Variants in ZNF460 observed in about 807,000 individuals in gnomAD.
ZNF460 encodes zinc finger protein 460.
A neutral mutation model predicts 8.4 loss-of-function variants in ZNF460; 1 was observed. The ratio of observed to expected loss-of-function variants is 0.12; its 90% CI spans 0.04 to 0.56. The LOEUF is 0.56. Ranked by LOEUF, ZNF460 falls within the 20% of genes least tolerant of loss-of-function variation. ZNF460 has a pLI of 0.91. For missense variants in ZNF460, 477 were observed against 714.8 expected, an observed-to-expected ratio of 0.67 and a Z score of 3.79; for synonymous variants, 262 against 259.9, an observed-to-expected ratio of 1.01 and a Z score of -0.08.
chr19:57,280,822 A>G lies in ZNF460; in HGVS notation c.16A>G (p.Met6Val), dbSNP rs866581804. Residue 6 changes from methionine (M) to valine (V), a missense_variant, in exon 1 of 3, where the codon ATG becomes GTG. This residue lies in a region of ZNF460 where 22 missense variants were observed against 22.3 expected (regional missense o/e 0.99). Coordinates refer to ENST00000360338, the MANE Select transcript of ZNF460 (RefSeq NM_006635.4). MAAAWMAPAQESVTFE... is the reference protein window; with the variant it reads MAAAWVAPAQESVTFE... ...CATTCCCGGGATGGCGGCGGCGTGG[A>G]TGGCTCCGGCGCAGGTGAGTGGACG... 1.3e-5 allele frequency: 21 copies of G among 1,613,976 alleles called. No individual in the cohort carries two copies. The African/African-American group carries it at 1.7e-4, about 13-fold the overall frequency.
intron 1 of ZNF460, 133 bp downstream of exon 1, chr19:57,280,969 GT>G: frequency 3.0e-6 from 4 of 1,336,472 alleles, no homozygotes; most frequent in African/African-American, 1.5e-5. Context: ...GCCGTGGCTT[GT>G]CATTTCCTTT....
chr19:57,283,086 T>C (rs1292052776), intron 1 of ZNF460, among the ~76,000 whole-genome samples: 2 of 150,398 alleles, frequency 1.3e-5, no homozygotes, highest in African/African-American at 2.4e-5. Context: ...TCCCTGAGTG[T>C]GACATAGAGA....
intron 1 of ZNF460, among the ~76,000 whole-genome samples, chr19:57,283,267 T>A (rs2087853684): frequency 6.6e-6 from 1 of 151,810 alleles, no homozygotes; most frequent in Non-Finnish European, 1.5e-5. Context: ...CCTCCGACGT[T>A]CAAGCGATTC....
chr19:57,286,413 C>T (rs1334005701), intron 2 of ZNF460, among the ~76,000 whole-genome samples: 1 of 152,098 alleles, frequency 6.6e-6, no homozygotes, highest in Non-Finnish European at 1.5e-5. Flanking sequence ...CTGACTGCTC[C>T]ACTTACTGGC....
rs2087917128 is a variant in ZNF460 at position 57,291,415 on chromosome 19, C to T, written c.874C>T (p.Arg292Cys). The T allele has an allele frequency of 1.2e-6, 2 of 1,613,456 alleles. No homozygotes were observed. The highest frequency in any genetic ancestry group is 1.7e-6 in the Non-Finnish European group (2 of 1,179,844). ...TGAATGTGGAAAGGCCTTTACCTAC[C>T]GCTCCAATTTTGTCTTGCATAACAA... Reference protein sequence around the residue: ...CNECGKAFTYRSNFVLHNKSH... With the variant: ...CNECGKAFTYCSNFVLHNKSH... The change falls in exon 3 of 3, where the codon CGC (arginine) becomes TGC (cysteine). Residue 292 changes from arginine to cysteine, a missense_variant. Physicochemically the swap from Arg to Cys is radical, Grantham distance 180. Transcript: ENST00000360338. This position sits in a 1 kb window ranked among gnomAD's most constrained non-coding sequence, Gnocchi z 8.4.
rs780164671 is a variant in ZNF460 at position 57,280,811 on chromosome 19, C to T, written c.5C>T (p.Ala2Val). 1.2e-6 allele frequency: 2 copies of T among 1,613,886 alleles called. No homozygotes were observed. Among genetic ancestry groups the T allele is most frequent in the African/African-American group, 1.3e-5 (1 of 74,930 alleles). ...CTGATCCGCGGCATTCCCGGGATGG[C>T]GGCGGCGTGGATGGCTCCGGCGCAG... M[A>V]AAWMAPAQES... Residue 2 changes from alanine (A) to valine (V), a missense_variant, in exon 1 of 3, where the codon GCG (alanine) becomes GTG (valine). By Grantham distance (64) the Ala-to-Val change is moderately conservative. Coordinates refer to ENST00000360338, the MANE Select transcript of ZNF460 (RefSeq NM_006635.4).
chr19:57,289,321 G>A lies in ZNF460; in HGVS notation c.158-1378G>A, dbSNP rs536688157. The stretch of plus-strand genomic sequence containing the variant: ...AGGCAGAATCTTGAGCATCAGCTTC[G>A]TCTCCGCCCCTTCCTGTCTCTGAAT... On this transcript the variant is annotated intron_variant, in intron 2 of 2. Transcript: ENST00000360338. Among the ~76,000 whole-genome samples the A allele has an allele frequency of 3.9e-5, 6 of 152,184 alleles. No homozygotes were observed. In the East Asian group the frequency reaches 5.8e-4, roughly 15 times the overall value.
chr19:57,282,772 T>C (rs186034241), intron 1 of ZNF460, among the ~76,000 whole-genome samples: 2 of 152,142 alleles, frequency 1.3e-5, no homozygotes, highest in East Asian at 3.9e-4. Flanking sequence ...GGTGGACTGC[T>C]TGAGCCCAGG....
rs150334022 is a variant in ZNF460, at chr19:57,292,170, C to T, written c.1629C>T (p.Ala543=). ...SAVNMETPSI[A]AHSSSLDING... The stretch of plus-strand genomic sequence containing the variant: ...TGAATATGGAAACGCCTTCAATTGC[C>T]GCTCATTCCTCCTCACTCGACATCA... Residue 543 remains alanine, a synonymous_variant, in exon 3 of 3, where the codon GCC becomes GCT. Coordinates refer to ENST00000360338, the MANE Select transcript of ZNF460 (RefSeq NM_006635.4). 2.6e-4 allele frequency: 422 copies of T among 1,614,144 alleles called. No homozygotes were observed. Among genetic ancestry groups the T allele is most frequent in the Non-Finnish European group, 3.1e-4 (366 of 1,180,008 alleles).
At chr19:57,289,597 G>A (rs934375858) in intron 2 of ZNF460, among the ~76,000 whole-genome samples, 1 of 152,074 alleles carries the variant, frequency 6.6e-6, no homozygotes, top group Non-Finnish European at 1.5e-5. Flanking sequence ...GCTTATGATA[G>A]AGTGTCATCA....
rs1350766821 is a variant in ZNF460, at chr19:57,293,854, TTC to T, written c.*1628_*1629del. 1 of 152,226 alleles carries T rather than the reference TTC, an allele frequency of 6.6e-6. No individual in the cohort carries two copies. The highest frequency in any genetic ancestry group is 1.5e-5 in the Non-Finnish European group (1 of 68,052). 9.4% of individuals were successfully genotyped at this position (152,226 alleles called of 1,614,324 possible). On this transcript the variant is annotated 3_prime_UTR_variant, in exon 3 of 3. Coordinates refer to ENST00000360338, the MANE Select transcript of ZNF460 (RefSeq NM_006635.4). ...GCATATGAGTAGAAACATGGAGTAT[TTC>T]TCTTTCTGTGTCTAGCTTATTTCAC...
intron 2 of ZNF460, among the ~76,000 whole-genome samples, chr19:57,289,425 G>C (rs1335702917): frequency 2.0e-5 from 3 of 152,120 alleles, no homozygotes; most frequent in African/African-American, 7.2e-5. Flanking sequence ...CTGTGTCTTT[G>C]TATATTCTAT....
rs1372626442 is a variant in ZNF460, at chr19:57,290,797, A to G, written c.256A>G (p.Arg86Gly). The change falls in exon 3 of 3, where the codon AGA becomes GGA. Residue 86 changes from arginine (R) to glycine (G), a missense_variant. Arg to Gly is a moderately radical substitution (Grantham distance 125, BLOSUM62 -2). Coordinates refer to ENST00000360338, the MANE Select transcript of ZNF460 (RefSeq NM_006635.4). The stretch of plus-strand genomic sequence containing the variant: ...GGAACAGCTGGCACAGGGAGTCCCA[A>G]GATACTCCTATTTGGGGCAGGCCAT... Reference protein sequence around the residue: ...LQEQLAQGVPRYSYLGQAMDQ... With the variant: ...LQEQLAQGVPGYSYLGQAMDQ... 2 of 1,614,178 alleles carry G rather than the reference A, an allele frequency of 1.2e-6. No individual in the cohort carries two copies. Among genetic ancestry groups the G allele is most frequent in the South Asian group, 1.1e-5 (1 of 91,084 alleles).
At position 57,290,938 on chromosome 19, in the gene ZNF460, G is replaced by A; in HGVS notation, c.397G>A (p.Asp133Asn). ...TGAACACGAAGGTTTGGCGACAGCTGATGGTATTTGTTCAATGATGATACA... is the reference window on the plus strand; with the variant it reads ...TGAACACGAAGGTTTGGCGACAGCTAATGGTATTTGTTCAATGATGATACA... The part of the protein sequence containing the change: ...SLEHEGLATA[D>N]GICSMMIQNQ... The change falls in exon 3 of 3, where the codon GAT (aspartate) becomes AAT (asparagine). Residue 133 changes from aspartate (D) to asparagine (N), a missense_variant. This residue lies in a region of ZNF460 where 169 missense variants were observed against 178.6 expected (regional missense o/e 0.95). Transcript: ENST00000360338. The A allele has an allele frequency of 1.2e-6, 2 of 1,614,230 alleles. No individual in the cohort carries two copies. The highest frequency in any genetic ancestry group is 1.1e-5 in the South Asian group (1 of 91,088).
intron 2 of ZNF460, among the ~76,000 whole-genome samples, chr19:57,289,701 CTT>C (rs1242023165): frequency 6.6e-6 from 1 of 151,998 alleles, no homozygotes; most frequent in Non-Finnish European, 1.5e-5. Flanking sequence ...CTGGGTTTCT[CTT>C]TAAAAATTTC....
At chr19:57,282,795 G>A (rs1385381533) in intron 1 of ZNF460, among the ~76,000 whole-genome samples, 2 of 151,946 alleles carry the variant, frequency 1.3e-5, no homozygotes, top group Non-Finnish European at 2.9e-5. Flanking sequence ...TTCAAGACCA[G>A]CCTGGGCAAC....
chr19:57,286,668 C>G (rs2087881524), intron 2 of ZNF460, among the ~76,000 whole-genome samples: 1 of 151,912 alleles, frequency 6.6e-6, no homozygotes, highest in Admixed American at 6.6e-5. Context: ...TGCAAAAATC[C>G]TAAGAAGTCC....
chr19:57,284,758 G>A, intron 2 of ZNF460, 81 bp downstream of exon 2: 1 of 1,436,156 alleles, frequency 7.0e-7, no homozygotes, highest in Non-Finnish European at 9.2e-7. Context: ...CTCCAGGCCT[G>A]GCTAGTGGAA....
chr19:57,292,451 C>A lies in ZNF460; in HGVS notation c.*221C>A. ...TCTAAACAATTATGTTAGAAATTGA[C>A]ACAGCCAAGAGTCTTATTCTACATC... On this transcript the variant is annotated 3_prime_UTR_variant, in exon 3 of 3. Coordinates refer to ENST00000360338, the MANE Select transcript of ZNF460 (RefSeq NM_006635.4). 1 of 542,934 alleles carries A rather than the reference C, an allele frequency of 1.8e-6. No individual in the cohort carries two copies. Among genetic ancestry groups the A allele is most frequent in the Non-Finnish European group, 3.3e-6 (1 of 307,278 alleles). 33.6% of individuals were successfully genotyped at this position (542,934 alleles called of 1,614,324 possible).
Sources: allele counts gnomAD v4.1 joint callset (sites outside exome capture counted in the v4.1 genomes callset), GRCh38; gene constraint gnomAD v4.1.1; regional missense constraint gnomAD v4.1.1; non-coding constraint Gnocchi (gnomAD v3.1); transcripts MANE v1.5; gene names NCBI Gene and HGNC (gene_info 2026-07-23, HGNC 2026-07-21).